Variants in SV2C observed in about 807,000 individuals in gnomAD.
SV2C encodes the protein solute carrier family 22 member B3.
In SV2C, 49 loss-of-function variants were observed where a neutral mutation model predicts 79.7. The observed-to-expected ratio is 0.61, with a 90% CI of 0.49 to 0.78. The LOEUF (loss-of-function observed/expected upper bound fraction) is 0.78. Among genes scored for constraint, SV2C ranks in the 30% least tolerant of loss-of-function variants. The pLI, the probability that SV2C is intolerant of heterozygous loss-of-function variation, is 0.00. For synonymous variants in SV2C, 334 were observed against 333.2 expected (o/e 1.00, Z -0.03); for missense variants, 833 against 912.9 (o/e 0.91, Z 1.13).
At chr5:75,947,892 A>G in the SV2C span, among the ~76,000 whole-genome samples, 2 of 150,682 alleles carry the variant, frequency 1.3e-5, 1 homozygote, top group East Asian at 3.9e-4. Flanking sequence ...TCTGTTTTCC[A>G]TTTTTTTTTA....
At chr5:76,291,360 A>C (rs1747558099) in intron 7 of SV2C, 29 bp downstream of exon 7, 1 of 1,532,350 alleles carries the variant, frequency 6.5e-7, no homozygotes, top group Admixed American at 2.0e-5. Context: ...GATGACCTGC[A>C]TGTTAATTTA....
At chr5:76,161,269 A>C (rs1742890122) in intron 2 of SV2C, among the ~76,000 whole-genome samples, 1 of 152,202 alleles carries the variant, frequency 6.6e-6, no homozygotes, top group Admixed American at 6.5e-5. Context: ...CAGTCACAAA[A>C]GACCCCATTT....
intron 2 of SV2C, among the ~76,000 whole-genome samples, chr5:76,180,579 C>T (rs541055395): frequency 3.3e-5 from 5 of 152,272 alleles, no homozygotes; most frequent in African/African-American, 9.6e-5. Context: ...GACATGGTAC[C>T]CTCTTGCTCC....
the SV2C span, among the ~76,000 whole-genome samples, chr5:75,909,732 T>G: frequency 1.3e-5 from 2 of 152,252 alleles, no homozygotes; most frequent in Non-Finnish European, 2.9e-5. Flanking sequence ...TGTAAGCTAC[T>G]GTTAAATATG....
intron 2 of SV2C, among the ~76,000 whole-genome samples, chr5:76,184,915 G>A (rs760424244): frequency 1.3e-5 from 2 of 152,062 alleles, no homozygotes; most frequent in Non-Finnish European, 2.9e-5. Context: ...TAACCCAAAG[G>A]TCCAAGTCCA....
At chr5:76,335,853 C>A (rs1216510500), downstream of SV2C, among the ~76,000 whole-genome samples, 1 of 152,246 alleles carries the variant, frequency 6.6e-6, no homozygotes, top group Non-Finnish European at 1.5e-5. Flanking sequence ...CATCCGATTT[C>A]TCAATCCTTT....
the SV2C span, among the ~76,000 whole-genome samples, chr5:75,916,486 T>G: frequency 2.0e-5 from 3 of 151,536 alleles, no homozygotes; most frequent in African/African-American, 7.3e-5. Flanking sequence ...CCTCTTTGTT[T>G]TGTTCTGAGA....
Position 76,298,905 on chromosome 5 carries a change from T to G in SV2C, c.1614T>G (p.Ile538Met), listed in dbSNP as rs1244420351. The change falls in exon 10 of 13, where the codon ATT (isoleucine) becomes ATG (methionine). Residue 538 changes from isoleucine (I) to methionine (M), a missense_variant. Coordinates refer to ENST00000502798, the MANE Select transcript of SV2C (RefSeq NM_014979.4). ...VNTYFKNCTF[I>M]DTVFDNTDFE... is the part of the protein sequence containing the mutation. Reference sequence around the variant, plus strand: ...CCTACTTCAAGAACTGCACATTTATTGACACTGTTTTTGACAACACAGGTA... The same window carrying G: ...CCTACTTCAAGAACTGCACATTTATGGACACTGTTTTTGACAACACAGGTA... The G allele has an allele frequency of 3.1e-6, 5 of 1,613,916 alleles. No individual in the cohort carries two copies. Among genetic ancestry groups the G allele is most frequent in the Non-Finnish European group, 4.2e-6 (5 of 1,179,874 alleles).
At chr5:76,182,925 G>GTT (rs1374895070) in intron 2 of SV2C, among the ~76,000 whole-genome samples, 3 of 129,452 alleles carry the variant, frequency 2.3e-5, no homozygotes, top group African/African-American at 9.7e-5. Flanking sequence ...GAGAGTGTGT[G>GTT]TGTGTGTGTG....
At chr5:76,053,173 C>A in the SV2C span, among the ~76,000 whole-genome samples, 1 of 150,828 alleles carries the variant, frequency 6.6e-6, no homozygotes, top group Admixed American at 6.6e-5. Context: ...ATTCTAAAAT[C>A]TGTAACAAGC....
At chr5:75,949,630 T>A in the SV2C span, among the ~76,000 whole-genome samples, 42 of 152,142 alleles carry the variant, frequency 2.8e-4, no homozygotes, top group African/African-American at 9.1e-4. Context: ...CTGATGATTT[T>A]ATAAGGGGTT....
At chr5:75,922,526 A>G in the SV2C span, among the ~76,000 whole-genome samples, 1 of 152,266 alleles carries the variant, frequency 6.6e-6, no homozygotes, top group African/African-American at 2.4e-5. Context: ...AATGTAAATC[A>G]GTATAACCTT....
the SV2C span, among the ~76,000 whole-genome samples, chr5:75,958,837 G>A: frequency 6.6e-6 from 1 of 151,882 alleles, no homozygotes; most frequent in Non-Finnish European, 1.5e-5. Context: ...TTATCTCCAA[G>A]GAAACCCTCT....
chr5:75,951,357 C>T, the SV2C span, among the ~76,000 whole-genome samples: 4 of 152,100 alleles, frequency 2.6e-5, no homozygotes, highest in South Asian at 6.2e-4. Context: ...TTAAAATGCT[C>T]TCAGTAGAGA....
chr5:75,911,193 C>A, the SV2C span: 1 of 1,594,896 alleles, frequency 6.3e-7, no homozygotes. Flanking sequence ...TACCAGCCTG[C>A]AATGGCCCTG....
chr5:76,277,474 G>A (rs1045362971), intron 4 of SV2C, among the ~76,000 whole-genome samples: 2 of 152,214 alleles, frequency 1.3e-5, no homozygotes, highest in Admixed American at 1.3e-4. Flanking sequence ...GTAACGCAAA[G>A]TGTAAGAACC....
At chr5:75,862,723 C>T in the SV2C span, among the ~76,000 whole-genome samples, 5 of 152,202 alleles carry the variant, frequency 3.3e-5, no homozygotes, top group Non-Finnish European at 7.3e-5. Flanking sequence ...TTTCTCTGCC[C>T]TTTCTTGGAG....
the SV2C span, among the ~76,000 whole-genome samples, chr5:76,043,745 T>C: frequency 6.6e-6 from 1 of 152,226 alleles, no homozygotes; most frequent in Non-Finnish European, 1.5e-5. Context: ...AAGGATTTTG[T>C]TTCATTGCTT....
At chr5:76,071,718 A>G in the SV2C span, among the ~76,000 whole-genome samples, 14 of 152,234 alleles carry the variant, frequency 9.2e-5, no homozygotes, top group South Asian at 4.1e-4. Context: ...TTTAATAGCT[A>G]GATCATGTAG....
Sources: gnomAD v4.1 joint callset for allele counts (sites outside exome capture counted in the v4.1 genomes callset) on GRCh38, gnomAD v4.1.1 for gene constraint, MANE v1.5 for transcripts, NCBI Gene and HGNC (gene_info 2026-07-23, HGNC 2026-07-21) for gene names.